Variants in GFOD1 observed in about 807,000 individuals in gnomAD.
GFOD1 encodes Gfo/Idh/MocA-like oxidoreductase domain containing 1.
GFOD1 carries 9 observed loss-of-function variants against 25.4 expected under a neutral mutation model. That is an observed-to-expected ratio of 0.35 (90% confidence interval 0.21 to 0.62). GFOD1 has a LOEUF of 0.62. Among genes scored for constraint, GFOD1 ranks in the 20% least tolerant of loss-of-function variants. GFOD1 has a pLI of 0.72. For missense variants in GFOD1, 403 were observed against 556.9 expected, an observed-to-expected ratio of 0.72 and a Z score of 2.78; for synonymous variants, 253 against 245.6, an observed-to-expected ratio of 1.03 and a Z score of -0.28.
At chr6:13,435,191 T>G (rs1757814154) in intron 1 of GFOD1, among the ~76,000 whole-genome samples, 1 of 152,176 alleles carries the variant, frequency 6.6e-6, no homozygotes, top group Non-Finnish European at 1.5e-5. Context: ...GCAATGGAAC[T>G]CAAACACAGA....
intron 1 of GFOD1, among the ~76,000 whole-genome samples, chr6:13,441,656 C>G (rs182988336): frequency 6.6e-6 from 1 of 152,164 alleles, no homozygotes; most frequent in East Asian, 1.9e-4. Context: ...TAACAACATA[C>G]CAATGTGAAA....
At chr6:13,469,312 C>G (rs1584670087) in intron 1 of GFOD1, 3 of 983,430 alleles carry the variant, frequency 3.1e-6, no homozygotes, top group Non-Finnish European at 3.6e-6. Flanking sequence ...ATTTTAGCCT[C>G]TTCAAAAATA....
intron 1 of GFOD1, among the ~76,000 whole-genome samples, chr6:13,467,597 T>A (rs1758399290): frequency 6.6e-6 from 1 of 152,198 alleles, no homozygotes; most frequent in Admixed American, 6.5e-5. Context: ...AATGTTGCAA[T>A]TGTACATTTT....
intron 1 of GFOD1, among the ~76,000 whole-genome samples, chr6:13,472,695 T>G (rs915036165): frequency 6.6e-6 from 1 of 152,204 alleles, no homozygotes; most frequent in African/African-American, 2.4e-5. Context: ...AACTGCCTTT[T>G]CCATTGACCA....
intron 1 of GFOD1, among the ~76,000 whole-genome samples, chr6:13,374,271 T>G (rs9395701): frequency 0.61 from 81,034 of 132,806 alleles, 24,495 homozygotes; most frequent in Middle Eastern, 0.74. Flanking sequence ...TATGTTTTTT[T>G]TTTGTGTGTG....
intron 1 of GFOD1, among the ~76,000 whole-genome samples, chr6:13,410,269 C>T (rs919351189): frequency 1.3e-5 from 2 of 152,076 alleles, no homozygotes; most frequent in African/African-American, 4.8e-5. Context: ...AGGAAGGAGG[C>T]TCTACCTAAT....
chr6:13,429,754 G>C (rs1757716496), intron 1 of GFOD1, among the ~76,000 whole-genome samples: 1 of 152,006 alleles, frequency 6.6e-6, no homozygotes, highest in Non-Finnish European at 1.5e-5. Flanking sequence ...GTGTACCCTA[G>C]GTAATAAGGG....
At chr6:13,456,122 G>A (rs2841565) in intron 1 of GFOD1, among the ~76,000 whole-genome samples, 116,190 of 152,176 alleles carry the variant, frequency 0.76, 44,632 homozygotes, top group South Asian at 0.85. Context: ...GAGGGTTGAA[G>A]GGAAATGAGG....
intron 1 of GFOD1, among the ~76,000 whole-genome samples, chr6:13,439,401 G>A (rs761306519): frequency 6.6e-6 from 1 of 152,210 alleles, no homozygotes; most frequent in Non-Finnish European, 1.5e-5. Context: ...GACTGTCTCT[G>A]TCAAACAAAT....
intron 1 of GFOD1, among the ~76,000 whole-genome samples, chr6:13,434,300 G>A (rs1311020039): frequency 6.7e-6 from 1 of 149,188 alleles, no homozygotes; most frequent in African/African-American, 2.5e-5. Context: ...GGGCTTTATG[G>A]GAACACAGAA....
chr6:13,432,414 AC>A (rs1757765400), intron 1 of GFOD1, among the ~76,000 whole-genome samples: 1 of 151,882 alleles, frequency 6.6e-6, no homozygotes, highest in Non-Finnish European at 1.5e-5. Context: ...ATGGCATCTC[AC>A]TAGGTTGGTC....
chr6:13,445,723 A>G (rs1195749977), intron 1 of GFOD1, among the ~76,000 whole-genome samples: 1 of 152,266 alleles, frequency 6.6e-6, no homozygotes, highest in Non-Finnish European at 1.5e-5. Flanking sequence ...CTCTAAAACA[A>G]GAAAGCTTAA....
intron 1 of GFOD1, 198 bp downstream of exon 1, chr6:13,486,440 A>C: frequency 1.6e-6 from 1 of 618,810 alleles, no homozygotes. Context: ...AGGAGGCAGG[A>C]GGGAAGCGCA....
chr6:13,447,699 C>G (rs1008726399), intron 1 of GFOD1, among the ~76,000 whole-genome samples: 12 of 110,728 alleles, frequency 1.1e-4, no homozygotes, highest in African/African-American at 4.2e-4. Flanking sequence ...TGAGATCGTG[C>G]AATTGCACTC....
intron 1 of GFOD1, among the ~76,000 whole-genome samples, chr6:13,427,536 G>A (rs763706324): frequency 5.9e-5 from 9 of 151,954 alleles, no homozygotes; most frequent in African/African-American, 2.2e-4. Context: ...CTCTAGTCCC[G>A]CCTACTCAGC....
chr6:13,375,327 G>T (rs1050859899), intron 1 of GFOD1, among the ~76,000 whole-genome samples: 5 of 152,088 alleles, frequency 3.3e-5, no homozygotes, highest in African/African-American at 1.2e-4. Flanking sequence ...ACTTGCCTGT[G>T]CACATATATG....
intron 1 of GFOD1, among the ~76,000 whole-genome samples, chr6:13,397,536 T>G (rs1333138131): frequency 6.6e-6 from 1 of 152,152 alleles, no homozygotes; most frequent in African/African-American, 2.4e-5. Context: ...GGCCCAGCCT[T>G]GTATCATAAA....
intron 1 of GFOD1, among the ~76,000 whole-genome samples, chr6:13,454,050 T>G (rs1431095396): frequency 1.3e-5 from 2 of 152,176 alleles, no homozygotes; most frequent in African/African-American, 2.4e-5. Flanking sequence ...ATATGACTGG[T>G]GCCACCTATA....
intron 1 of GFOD1, among the ~76,000 whole-genome samples, chr6:13,366,455 C>A (rs1477052776): frequency 6.6e-6 from 1 of 152,194 alleles, no homozygotes; most frequent in Non-Finnish European, 1.5e-5. Context: ...CCTGCCTCAG[C>A]CTCCCGAGTA....
Sources: allele counts gnomAD v4.1 joint callset (sites outside exome capture counted in the v4.1 genomes callset), GRCh38; gene constraint gnomAD v4.1.1; transcripts MANE v1.5; gene names NCBI Gene and HGNC (gene_info 2026-07-23, HGNC 2026-07-21).